Variants in NECAB2 observed in about 807,000 individuals in gnomAD.
The protein encoded by NECAB2 is N-terminal EF-hand calcium-binding protein 2.
Under a neutral mutation model 51.9 loss-of-function variants are expected in NECAB2, and 68 were observed. The observed-to-expected ratio is 1.31, with a 90% CI of 1.08 to 1.60. NECAB2 has a LOEUF of 1.60. NECAB2 is among the 40% of genes most tolerant of loss of function. The probability of loss-of-function intolerance (pLI) is 0.00; values close to 1 mark genes in which losing one functional copy is unlikely to be tolerated. For synonymous variants in NECAB2, 329 were observed against 203.5 expected, an observed-to-expected ratio of 1.62 and a Z score of -5.25; for missense variants, 854 against 490.3, an observed-to-expected ratio of 1.74 and a Z score of -7.00.
Position 83,997,242 on chromosome 16 carries a change from C to T in NECAB2, c.822C>T (p.Arg274=), listed in dbSNP as rs778432334. 5 of 1,614,012 alleles carry T rather than the reference C, an allele frequency of 3.1e-6. No homozygotes were observed. The highest frequency in any genetic ancestry group is 1.3e-5 in the African/African-American group (1 of 74,912). Residue 274 remains arginine, a synonymous_variant, in exon 9 of 13, where the codon CGC becomes CGT. Transcript: ENST00000305202. ...SKALWFDLQQ[R]LSDEDGTNMH... ...CACTGTGGTTCGACCTGCAGCAGCG[C>T]CTGTCAGATGAAGATGGCACCAACA...
chr16:83,997,330 G>A, intron 9 of NECAB2, 61 bp downstream of exon 9: 1 of 1,606,026 alleles, frequency 6.2e-7, no homozygotes, highest in Non-Finnish European at 8.5e-7. Context: ...GGACTGCCAA[G>A]ATCCAAGTGG....
intron 9 of NECAB2, among the ~76,000 whole-genome samples, chr16:83,997,657 T>A (rs1299519791): frequency 2.0e-5 from 3 of 151,700 alleles, no homozygotes; most frequent in African/African-American, 7.3e-5. Flanking sequence ...CTGGCTAATT[T>A]TTTTGGTATT....
At chr16:83,992,384 G>C (rs4782870) in intron 6 of NECAB2, among the ~76,000 whole-genome samples, 139,242 of 143,240 alleles carry the variant, frequency 0.97, 67,701 homozygotes, top group East Asian at 1. Flanking sequence ...CCGTCCCCCC[G>C]CCCACCTCCA....
At chr16:84,001,127 T>TG (rs1288637777) in intron 11 of NECAB2, among the ~76,000 whole-genome samples, 4 of 152,112 alleles carry the variant, frequency 2.6e-5, no homozygotes, top group African/African-American at 9.7e-5. Flanking sequence ...GTTGAGGGCC[T>TG]AACCTAGAAG....
At chr16:83,967,012 C>T (rs1379525971), upstream of NECAB2, among the ~76,000 whole-genome samples, 1 of 152,148 alleles carries the variant, frequency 6.6e-6, no homozygotes, top group East Asian at 1.9e-4. Context: ...GCTGGGATTA[C>T]AGGTGACTGC....
intron 2 of NECAB2, among the ~76,000 whole-genome samples, chr16:83,975,488 C>T (rs973741833): frequency 3.9e-5 from 6 of 152,080 alleles, no homozygotes; most frequent in African/African-American, 7.2e-5. Context: ...CTCAGGGGAG[C>T]GGGAGATGGG....
intron 8 of NECAB2, among the ~76,000 whole-genome samples, chr16:83,996,548 T>G (rs1597223623): frequency 6.6e-6 from 1 of 151,966 alleles, no homozygotes; most frequent in Non-Finnish European, 1.5e-5. Flanking sequence ...ACAGAGGTGG[T>G]TAGTGGGGTG....
chr16:84,000,137 C>A (rs1204296461), intron 10 of NECAB2, among the ~76,000 whole-genome samples: 1 of 152,082 alleles, frequency 6.6e-6, no homozygotes, highest in African/African-American at 2.4e-5. Context: ...CGTAATCCAC[C>A]TGCCTCGACC....
At chr16:83,986,924 C>G (rs188045553) in intron 5 of NECAB2, among the ~76,000 whole-genome samples, 1 of 152,086 alleles carries the variant, frequency 6.6e-6, no homozygotes, top group Admixed American at 6.5e-5. Flanking sequence ...AACATTACCT[C>G]GTAGGTACAA....
chr16:83,965,236 G>C (rs1053684228), upstream of NECAB2: 17 of 1,612,402 alleles, frequency 1.1e-5, no homozygotes, highest in Non-Finnish European at 1.4e-5. Flanking sequence ...CCCTCTTCCA[G>C]GTGAGCGGCT....
At position 83,999,568 on chromosome 16, in the gene NECAB2, TAGCCCCTCCTCCCC is replaced by T. The variant is rs2084779919; in HGVS notation, c.963-1152_963-1139del. Among the ~76,000 whole-genome samples the T allele has an allele frequency of 2.0e-5, 3 of 152,254 alleles. 1 individual carries two copies. The highest frequency in any genetic ancestry group is 7.2e-5 in the African/African-American group (3 of 41,560). ...GCCCCTTCCTCTAGGCTGAGCACTG[TAGCCCCTCCTCCCC>T]AGCTTTTGGCCCCCGCTTTATGGTC... On this transcript the variant is annotated intron_variant, in intron 10 of 12. Coordinates refer to ENST00000305202, the MANE Select transcript of NECAB2 (RefSeq NM_019065.3).
At chr16:84,001,459 G>T (rs370082181) in intron 11 of NECAB2, among the ~76,000 whole-genome samples, 7 of 152,114 alleles carry the variant, frequency 4.6e-5, no homozygotes, top group Non-Finnish European at 1.0e-4. Flanking sequence ...CTCCCTGTCC[G>T]TACTTCAGTG....
chr16:83,973,882 G>A (rs924054276), intron 2 of NECAB2, among the ~76,000 whole-genome samples: 4 of 152,136 alleles, frequency 2.6e-5, no homozygotes, highest in African/African-American at 9.7e-5. Flanking sequence ...CATCCCGAGT[G>A]TGTGTGCAGT....
intron 1 of NECAB2, 149 bp from the exon 2 acceptor site, chr16:83,972,002 C>CGGGGAG (rs1195148426): frequency 9.6e-7 from 1 of 1,045,730 alleles, no homozygotes; most frequent in Non-Finnish European, 1.4e-6. Context: ...GATCCCAGCC[C>CGGGGAG]GGGGAGGGGG....
rs113004568 is a variant in NECAB2, at chr16:84,000,793, G to T, written c.1032G>T (p.Ala344=). 3 of 1,613,620 alleles carry T rather than the reference G, an allele frequency of 1.9e-6. No individual in the cohort carries two copies. Among genetic ancestry groups the T allele is most frequent in the Non-Finnish European group, 2.5e-6 (3 of 1,179,934 alleles). The change falls in exon 11 of 13, where the codon GCG becomes GCT. Residue 344 remains alanine, a synonymous_variant. Coordinates refer to ENST00000305202, the MANE Select transcript of NECAB2 (RefSeq NM_019065.3). ...VIYEFWETEE[A]WKRHLQSPLC... ...ATGAGTTCTGGGAGACAGAGGAGGC[G>T]TGGAAGAGGTGAGATGCTGGGTCCC...
chr16:83,993,726 A>G (rs962542371), intron 6 of NECAB2: 1 of 158,580 alleles, frequency 6.3e-6, no homozygotes, highest in African/African-American at 2.4e-5. Flanking sequence ...GTGTATGCAC[A>G]TGAGTATGCA....
intron 5 of NECAB2, among the ~76,000 whole-genome samples, chr16:83,983,854 G>A (rs747516023): frequency 3.3e-5 from 5 of 152,036 alleles, no homozygotes; most frequent in African/African-American, 7.3e-5. Context: ...ATTTTTCTAC[G>A]TAAAAATAGA....
chr16:83,986,853 G>T (rs1041393626), intron 5 of NECAB2, among the ~76,000 whole-genome samples: 7 of 152,144 alleles, frequency 4.6e-5, no homozygotes, highest in Non-Finnish European at 8.8e-5. Context: ...ATTATAAATG[G>T]TCTATATCCA....
intron 10 of NECAB2, among the ~76,000 whole-genome samples, chr16:83,999,903 C>T (rs894501554): frequency 6.7e-6 from 1 of 148,536 alleles, no homozygotes; most frequent in African/African-American, 2.6e-5. Flanking sequence ...TTTTTTGAGA[C>T]CAAATCTTGC....
Sources: gnomAD v4.1 joint callset for allele counts (sites outside exome capture counted in the v4.1 genomes callset) on GRCh38, gnomAD v4.1.1 for gene constraint, MANE v1.5 for transcripts, NCBI Gene and HGNC (gene_info 2026-07-23, HGNC 2026-07-21) for gene names.